NELL1: variants seen among roughly 807,000 people sequenced by gnomAD.
NELL1 encodes the protein protein kinase C-binding protein NELL1.
NELL1 carries 76 observed loss-of-function variants against 107.4 expected under a neutral mutation model. The ratio of observed to expected loss-of-function variants is 0.71; its 90% CI spans 0.59 to 0.86. The LOEUF (loss-of-function observed/expected upper bound fraction) is 0.86. NELL1 is among the 40% of genes least tolerant of loss of function. NELL1 has a pLI of 0.00. For synonymous variants in NELL1, 353 were observed against 341.2 expected, an observed-to-expected ratio of 1.03 and a Z score of -0.38; for missense variants, 1,024 against 1,005.5, an observed-to-expected ratio of 1.02 and a Z score of -0.25.
At chr11:20,821,276 A>T (rs1043855868) in intron 3 of NELL1, among the ~76,000 whole-genome samples, 1 of 152,168 alleles carries the variant, frequency 6.6e-6, no homozygotes, top group Admixed American at 6.5e-5. Context: ...TCCTTCCTCT[A>T]CCTGTCTCTA....
intron 15 of NELL1, among the ~76,000 whole-genome samples, chr11:21,498,591 A>C (rs911052037): frequency 1.3e-5 from 2 of 151,838 alleles, no homozygotes; most frequent in Non-Finnish European, 2.9e-5. Context: ...TTCCATTTTT[A>C]ATACAAATAA....
At chr11:21,086,235 T>C (rs1854388597) in intron 12 of NELL1, among the ~76,000 whole-genome samples, 1 of 152,142 alleles carries the variant, frequency 6.6e-6, no homozygotes, top group Non-Finnish European at 1.5e-5. Flanking sequence ...AAATGGCAAA[T>C]GATTTAGAAA....
At chr11:20,881,267 G>T (rs956559251) in intron 4 of NELL1, among the ~76,000 whole-genome samples, 1 of 152,224 alleles carries the variant, frequency 6.6e-6, no homozygotes, top group Non-Finnish European at 1.5e-5. Context: ...CTTTTGTTCA[G>T]TGTTGATTTA....
At chr11:20,929,973 A>G (rs1590428701) in intron 9 of NELL1, among the ~76,000 whole-genome samples, 1 of 135,496 alleles carries the variant, frequency 7.4e-6, no homozygotes, top group East Asian at 2.4e-4. Context: ...CTGTCTCAAA[A>G]AAAAAAAAGA....
At chr11:21,204,830 A>T (rs1857353425) in intron 13 of NELL1, among the ~76,000 whole-genome samples, 1 of 151,752 alleles carries the variant, frequency 6.6e-6, no homozygotes, top group Non-Finnish European at 1.5e-5. Context: ...TTTGGTGCTA[A>T]TCCTTTCTGT....
chr11:21,330,897 A>T (rs1850259060), intron 14 of NELL1, among the ~76,000 whole-genome samples: 1 of 152,054 alleles, frequency 6.6e-6, no homozygotes, highest in Non-Finnish European at 1.5e-5. Flanking sequence ...TGAAACTTTT[A>T]AAATTTTTCT....
At chr11:20,818,021 T>G (rs1488618579) in intron 3 of NELL1, among the ~76,000 whole-genome samples, 1 of 152,158 alleles carries the variant, frequency 6.6e-6, no homozygotes, top group African/African-American at 2.4e-5. Flanking sequence ...GTGGTTGATC[T>G]TAGAGAATGT....
intron 14 of NELL1, among the ~76,000 whole-genome samples, chr11:21,315,245 G>T (rs1849851343): frequency 6.6e-6 from 1 of 152,192 alleles, no homozygotes; most frequent in African/African-American, 2.4e-5. Context: ...GTCAGAAATA[G>T]ATAAGAGAAA....
chr11:21,496,289 G>A (rs1854975711), intron 15 of NELL1, among the ~76,000 whole-genome samples: 1 of 149,816 alleles, frequency 6.7e-6, no homozygotes, highest in African/African-American at 2.5e-5. Flanking sequence ...CTATAATTAT[G>A]TTTCTTTTTC....
chr11:20,856,561 G>A (rs1848885308), intron 4 of NELL1, among the ~76,000 whole-genome samples: 2 of 152,320 alleles, frequency 1.3e-5, no homozygotes, highest in South Asian at 4.1e-4. Context: ...TATCATTGGA[G>A]GTAAACAGCC....
At chr11:20,945,868 C>A (rs1041783259) in intron 10 of NELL1, among the ~76,000 whole-genome samples, 1 of 151,972 alleles carries the variant, frequency 6.6e-6, no homozygotes, top group African/African-American at 2.4e-5. Flanking sequence ...GTAGCAGGAT[C>A]GATTCTCAGG....
intron 12 of NELL1, among the ~76,000 whole-genome samples, chr11:21,085,599 G>C (rs75792024): frequency 6.6e-6 from 1 of 152,024 alleles, no homozygotes; most frequent in African/African-American, 2.4e-5. Context: ...TCACACCACT[G>C]CACTGCAGCC....
chr11:21,288,181 G>T (rs1373833774), intron 14 of NELL1, among the ~76,000 whole-genome samples: 1 of 152,074 alleles, frequency 6.6e-6, no homozygotes, highest in Non-Finnish European at 1.5e-5. Context: ...TACTCCTAAT[G>T]GCTTAGGAGT....
intron 13 of NELL1, among the ~76,000 whole-genome samples, chr11:21,211,092 A>G (rs1857487695): frequency 6.6e-6 from 1 of 152,208 alleles, no homozygotes; most frequent in Non-Finnish European, 1.5e-5. Context: ...TGCTCTAGTG[A>G]GAAGAAAGAC....
chr11:20,746,922 GC>G (rs1224915488), intron 2 of NELL1, among the ~76,000 whole-genome samples: 1 of 152,126 alleles, frequency 6.6e-6, no homozygotes, highest in African/African-American at 2.4e-5. Context: ...AACAACTTGT[GC>G]ACACTATTCC....
rs1370615282 is a variant in NELL1 at position 20,984,372 on chromosome 11, C to A, written c.1300+23812C>A. Among the ~76,000 whole-genome samples the A allele has an allele frequency of 2.6e-5, 4 of 152,122 alleles. No homozygotes were observed. In the East Asian group the frequency reaches 7.7e-4, roughly 29 times the overall value. ...TCTTGGCTTTACTTCTTAATTGCTA[C>A]CTGACTTTGAGTCAGTTACTTGAAT... On this transcript the variant is annotated intron_variant, in intron 12 of 19. Transcript: ENST00000357134.
At chr11:21,495,390 G>A (rs1854951025) in intron 15 of NELL1, among the ~76,000 whole-genome samples, 2 of 151,908 alleles carry the variant, frequency 1.3e-5, no homozygotes, top group Admixed American at 1.3e-4. Flanking sequence ...CACCACATTT[G>A]TTTAAACAGT....
chr11:21,274,008 A>G (rs1848798946), intron 14 of NELL1, among the ~76,000 whole-genome samples: 1 of 152,172 alleles, frequency 6.6e-6, no homozygotes, highest in Non-Finnish European at 1.5e-5. Flanking sequence ...CGAGCAAAAT[A>G]ACCAGCTAAC....
chr11:21,121,174 G>T (rs1418617135), intron 13 of NELL1, among the ~76,000 whole-genome samples: 2 of 152,184 alleles, frequency 1.3e-5, no homozygotes, highest in Non-Finnish European at 2.9e-5. Flanking sequence ...GAAGAACAGA[G>T]AGGGTTGGAG....
Sources: allele counts gnomAD v4.1 joint callset (sites outside exome capture counted in the v4.1 genomes callset), GRCh38; gene constraint gnomAD v4.1.1; transcripts MANE v1.5; gene names NCBI Gene and HGNC (gene_info 2026-07-23, HGNC 2026-07-21).